The following EFCAB6 variants were observed in gnomAD, a reference collection of about 807,000 sequenced individuals.
The protein encoded by EFCAB6 is EF-hand calcium binding domain 6, also known as EF-hand calcium-binding domain-containing protein 6.
EFCAB6 carries 156 observed loss-of-function variants against 169.8 expected under a neutral mutation model. That is an observed-to-expected ratio of 0.92 (90% CI 0.81 to 1.05). The LOEUF is 1.05. Among genes scored for constraint, EFCAB6 ranks in the 50% least tolerant of loss-of-function variants. EFCAB6 has a pLI of 0.00. For missense variants in EFCAB6, 1,800 were observed against 1,829.1 expected (o/e 0.98, Z 0.29); for synonymous variants, 698 against 676.4 (o/e 1.03, Z -0.50).
chr22:43,787,139 C>T (rs147282623), intron 2 of EFCAB6, among the ~76,000 whole-genome samples: 35 of 152,082 alleles, frequency 2.3e-4, no homozygotes, highest in Admixed American at 1.6e-3. Context: ...AAGTTTTCTC[C>T]GTAAGATCAA....
intron 2 of EFCAB6, among the ~76,000 whole-genome samples, chr22:43,804,909 T>G (rs567425068): frequency 2.0e-5 from 3 of 151,922 alleles, no homozygotes; most frequent in Non-Finnish European, 4.4e-5. Context: ...AAGACCCAAG[T>G]TGGAAGAGAA....
intron 3 of EFCAB6, among the ~76,000 whole-genome samples, chr22:43,778,947 A>C (rs1569484441): frequency 6.6e-6 from 1 of 152,216 alleles, no homozygotes; most frequent in African/African-American, 2.4e-5. Context: ...ATCCAGGTAA[A>C]AACAGTCATC....
chr22:43,806,264 A>ATTT (rs771866108), intron 2 of EFCAB6, among the ~76,000 whole-genome samples: 1 of 143,772 alleles, frequency 7.0e-6, no homozygotes, highest in Non-Finnish European at 1.5e-5. Context: ...CTGAAATTCA[A>ATTT]TTTTTTTTTT....
intron 19 of EFCAB6, among the ~76,000 whole-genome samples, chr22:43,629,041 CCCAGGT>C (rs2054733500): frequency 6.6e-6 from 1 of 152,170 alleles, no homozygotes; most frequent in African/African-American, 2.4e-5. Flanking sequence ...GGCCCTGACA[CCCAGGT>C]CCTCACTGTC....
chr22:43,775,253 TC>T (rs1026396712), intron 3 of EFCAB6, among the ~76,000 whole-genome samples: 17 of 152,066 alleles, frequency 1.1e-4, no homozygotes, highest in African/African-American at 4.1e-4. Context: ...GATGGTATTT[TC>T]CAAGATGGGA....
At chr22:43,662,027 G>A (rs2057027505) in intron 17 of EFCAB6, among the ~76,000 whole-genome samples, 1 of 151,920 alleles carries the variant, frequency 6.6e-6, no homozygotes, top group Non-Finnish European at 1.5e-5. Context: ...ATAAAAATTA[G>A]CCAGGTGCCT....
In EFCAB6 at chr22:43,734,041, ACAAGG is replaced by A. The variant is rs894791543; in HGVS notation, c.644+1811_644+1815del. On this transcript the variant is annotated intron_variant, in intron 7 of 31. Coordinates refer to ENST00000262726, the MANE Select transcript of EFCAB6 (RefSeq NM_022785.4). ...TTCTTTAAGAGAAAACTGAGTCTTGACAAGGCCCAGGAGCTACTCTGAGGCCCTAG... is the reference window on the plus strand; with the variant it reads ...TTCTTTAAGAGAAAACTGAGTCTTGACCCAGGAGCTACTCTGAGGCCCTAG... Among the ~76,000 whole-genome samples the A allele has an allele frequency of 5.9e-5, 9 of 152,286 alleles. No individual in the cohort carries two copies. In the East Asian group the frequency reaches 7.7e-4, roughly 13 times the overall value.
chr22:43,752,875 C>T (rs768079553), intron 6 of EFCAB6, among the ~76,000 whole-genome samples: 7 of 152,122 alleles, frequency 4.6e-5, no homozygotes, highest in African/African-American at 1.7e-4. Flanking sequence ...ATCTCTGTGT[C>T]CAAGGGGTTG....
intron 17 of EFCAB6, among the ~76,000 whole-genome samples, chr22:43,660,777 C>A (rs138963178): frequency 6.6e-6 from 1 of 152,130 alleles, no homozygotes; most frequent in African/African-American, 2.4e-5. Context: ...TGGCAGCTAG[C>A]CTGCATGCAT....
intron 28 of EFCAB6, among the ~76,000 whole-genome samples, chr22:43,538,068 T>A (rs2047484951): frequency 6.6e-6 from 1 of 152,170 alleles, no homozygotes; most frequent in Non-Finnish European, 1.5e-5. Context: ...TTTCCTGAAG[T>A]CCCCGTTGAC....
chr22:43,810,266 A>G (rs549313387), intron 1 of EFCAB6, among the ~76,000 whole-genome samples: 5 of 152,380 alleles, frequency 3.3e-5, no homozygotes, highest in Admixed American at 3.3e-4. Context: ...GTGTTCAATT[A>G]GTATTAGCCA....
chr22:43,741,058 G>A lies in EFCAB6; in HGVS notation c.508-5065C>T, dbSNP rs112097916. ...TGAAGAATTGAGCTGCAGATGGCGAGGCTTATCAAAGGCAACAAAGTTAGG... is the reference window on the plus strand; with the variant it reads ...TGAAGAATTGAGCTGCAGATGGCGAAGCTTATCAAAGGCAACAAAGTTAGG... On this transcript the variant is annotated intron_variant, in intron 6 of 31. Transcript: ENST00000262726. Among the ~76,000 whole-genome samples, 546 of 152,264 alleles carry A rather than the reference G, an allele frequency of 3.6e-3. 7 individuals carry two copies. The highest frequency in any genetic ancestry group is 0.012 in the African/African-American group (513 of 41,550).
At position 43,600,116 on chromosome 22, in the gene EFCAB6, T is replaced by C. The variant is rs756192925; in HGVS notation, c.2829A>G (p.Glu943=). The C allele has an allele frequency of 2.5e-6, 4 of 1,614,018 alleles. No homozygotes were observed. The African/African-American group carries it at 4.0e-5, about 16-fold the overall frequency. ...GHFTKPQQLQ[E]EMKELQQSTE... ...TGCTCTGCTGCAGCTCCTTCATCTCTTCCTGTAGCTGCTGTGGCTTTGTAA... is the reference window on the plus strand; with the variant it reads ...TGCTCTGCTGCAGCTCCTTCATCTCCTCCTGTAGCTGCTGTGGCTTTGTAA... Residue 943 remains glutamate, a synonymous_variant, in exon 23 of 32, where the codon GAA becomes GAG. Coordinates refer to ENST00000262726, the MANE Select transcript of EFCAB6 (RefSeq NM_022785.4).
At chr22:43,573,544 A>G (rs2050031381) in intron 26 of EFCAB6, among the ~76,000 whole-genome samples, 1 of 152,094 alleles carries the variant, frequency 6.6e-6, no homozygotes, top group Non-Finnish European at 1.5e-5. Context: ...TAGCCCGACC[A>G]ACATGGAGAA....
intron 20 of EFCAB6, among the ~76,000 whole-genome samples, chr22:43,624,518 C>CTGTGATCTCGCAAATGCTCT (rs2054361383): frequency 6.6e-6 from 1 of 152,196 alleles, no homozygotes; most frequent in Non-Finnish European, 1.5e-5. Flanking sequence ...GTGCTTAACA[C>CTGTGATCTCGCAAATGCTCT]TCCCGCCTGC....
chr22:43,749,542 C>A (rs1041162214), intron 6 of EFCAB6, among the ~76,000 whole-genome samples: 1 of 152,050 alleles, frequency 6.6e-6, no homozygotes, highest in Admixed American at 6.5e-5. Flanking sequence ...GAGCGTGCAA[C>A]GTAGATCCTC....
intron 17 of EFCAB6, 99 bp downstream of exon 17, chr22:43,667,005 C>T: frequency 1.5e-6 from 2 of 1,365,080 alleles, no homozygotes; most frequent in Admixed American, 2.4e-5. Flanking sequence ...AATGGATCTG[C>T]TGCGTCCTGG....
chr22:43,624,788 C>A (rs1469816291), intron 20 of EFCAB6, among the ~76,000 whole-genome samples: 2 of 152,186 alleles, frequency 1.3e-5, no homozygotes, highest in Non-Finnish European at 2.9e-5. Context: ...CAATGTCTAG[C>A]ATATAGTAGG....
chr22:43,556,291 C>A (rs2048702298), intron 26 of EFCAB6, among the ~76,000 whole-genome samples: 1 of 152,138 alleles, frequency 6.6e-6, no homozygotes, highest in Admixed American at 6.5e-5. Flanking sequence ...GAGGAAGGCT[C>A]CCAAAGCCAG....
Sources: allele counts gnomAD v4.1 joint callset (sites outside exome capture counted in the v4.1 genomes callset), GRCh38; gene constraint gnomAD v4.1.1; transcripts MANE v1.5; gene names NCBI Gene and HGNC (gene_info 2026-07-23, HGNC 2026-07-21).